Variants in LRRC47 observed in about 807,000 individuals in gnomAD.
LRRC47 encodes leucine rich repeat containing 47, also known as leucine-rich repeat-containing protein 47.
In LRRC47, 31 loss-of-function variants were observed where a neutral mutation model predicts 40.9. The ratio of observed to expected loss-of-function variants is 0.76; its 90% confidence interval spans 0.57 to 1.02. LRRC47 has a LOEUF of 1.02. Ranked by LOEUF, LRRC47 falls within the 50% of genes least tolerant of loss-of-function variation. LRRC47 has a pLI of 0.00. For synonymous variants in LRRC47, 427 were observed against 371.9 expected, an observed-to-expected ratio of 1.15 and a Z score of -1.70; for missense variants, 726 against 796.1, an observed-to-expected ratio of 0.91 and a Z score of 1.06.
intron 1 of LRRC47, among the ~76,000 whole-genome samples, chr1:3,790,142 G>A (rs537263894): frequency 7.2e-5 from 11 of 152,372 alleles, no homozygotes; most frequent in East Asian, 1.9e-4. Flanking sequence ...CTGGCATACC[G>A]GCTGCCTTCC....
chr1:3,793,992 G>A (rs913327792), intron 1 of LRRC47, among the ~76,000 whole-genome samples: 2 of 152,112 alleles, frequency 1.3e-5, no homozygotes, highest in East Asian at 3.9e-4. Flanking sequence ...TCAGGAGATC[G>A]AGACCATCCT....
At chr1:3,787,416 C>A in intron 1 of LRRC47, 106 bp from the exon 2 acceptor site, 3 of 1,130,164 alleles carry the variant, frequency 2.7e-6, no homozygotes, top group Non-Finnish European at 3.7e-6. Context: ...AGAGCCACCA[C>A]TGGCCTGTCT....
chr1:3,790,054 G>A (rs1040622341), intron 1 of LRRC47, among the ~76,000 whole-genome samples: 17 of 152,208 alleles, frequency 1.1e-4, no homozygotes, highest in Non-Finnish European at 1.9e-4. Flanking sequence ...CTGTCACCCG[G>A]AGCTGACACT....
At position 3,779,729 on chromosome 1, in the gene LRRC47, C is replaced by T. The variant is rs377176465; in HGVS notation, c.*1359G>A. The stretch of plus-strand genomic sequence containing the variant: ...TGCTTCCCAAGCAGAGGCGTCTGGT[C>T]CACTCCTGGGGCTCCACCTGCCTGT... On this transcript the variant is annotated 3_prime_UTR_variant, in exon 7 of 7. Coordinates refer to ENST00000378251, the MANE Select transcript of LRRC47 (RefSeq NM_020710.3). 1 of 152,300 alleles carries T rather than the reference C, an allele frequency of 6.6e-6. No individual in the cohort carries two copies. Among genetic ancestry groups the T allele is most frequent in the African/African-American group, 2.4e-5 (1 of 41,552 alleles). The allele number at this position is 152,300 out of a possible 1,614,324, so 9.4% of individuals were successfully genotyped here.
Position 3,786,902 on chromosome 1 carries a change from G to A in LRRC47, c.1024C>T (p.Arg342Ter), listed in dbSNP as rs987258660. The A allele has an allele frequency of 5.6e-6, 9 of 1,605,752 alleles. No individual in the cohort carries two copies. Among genetic ancestry groups the A allele is most frequent in the Non-Finnish European group, 7.6e-6 (9 of 1,176,582 alleles). The stretch of plus-strand genomic sequence containing the variant: ...TTCCCTGGCTGCAGGTCCATGCCTC[G>A]CACCACGGCCCCCACAATGTAGGGC... The part of the protein sequence containing the change: ...VRPYIVGAVV[R>*]GMDLQPGNAL... Residue 342 changes from arginine to a stop codon, truncating the protein, a stop_gained, in exon 2 of 7, where the codon CGA becomes TGA. Coordinates refer to ENST00000378251, the MANE Select transcript of LRRC47 (RefSeq NM_020710.3). LOFTEE classifies it high-confidence loss of function.
chr1:3,787,344 G>C (rs778716158), intron 1 of LRRC47, 34 bp from the exon 2 acceptor site: 1 of 1,570,034 alleles, frequency 6.4e-7, no homozygotes, highest in Admixed American at 1.7e-5. Flanking sequence ...TCAGACGCCC[G>C]GACTCTGGGA....
intron 6 of LRRC47, 45 bp from the exon 7 acceptor site, chr1:3,781,381 C>G (rs762527792): frequency 2.5e-6 from 4 of 1,596,044 alleles, no homozygotes; most frequent in Non-Finnish European, 3.4e-6. Flanking sequence ...GAGAGGTGAC[C>G]CAGGGAAGAC....
At position 3,779,980 on chromosome 1, in the gene LRRC47, G is replaced by C. The variant is rs1643502801; in HGVS notation, c.*1108C>G. On this transcript the variant is annotated 3_prime_UTR_variant, in exon 7 of 7. Coordinates refer to ENST00000378251, the MANE Select transcript of LRRC47 (RefSeq NM_020710.3). ...TTAAAACTTTTCCCCCCAAGATTAT[G>C]ATCACTGCCAGCTGGAGAACCCAAC... is the stretch of plus-strand genomic sequence containing the variant. 6.6e-6 allele frequency: 1 copy of C among 152,150 alleles called. No individual in the cohort carries two copies. The highest frequency in any genetic ancestry group is 1.5e-5 in the Non-Finnish European group (1 of 68,042). 9.4% of individuals were successfully genotyped at this position (152,150 alleles called of 1,614,324 possible). A position where few individuals can be genotyped will look rare whatever the true frequency, so the allele number is the denominator to read the frequency against.
Position 3,781,356 on chromosome 1 carries a change from T to C in LRRC47, c.1504-20A>G, listed in dbSNP as rs747174003. 14 of 1,608,650 alleles carry C rather than the reference T, an allele frequency of 8.7e-6. No individual in the cohort carries two copies. The Admixed American group carries it at 2.3e-4, about 27-fold the overall frequency. ...CATTTTCTGCAAATAAAAAATACCT[T>C]TTTAACCTGGAGATGAGAGGTGACC... On this transcript the variant is annotated intron_variant, in intron 6 of 6. Transcript: ENST00000378251.
intron 1 of LRRC47, among the ~76,000 whole-genome samples, chr1:3,792,122 A>G (rs766452604): frequency 5.3e-5 from 8 of 152,218 alleles, no homozygotes; most frequent in Middle Eastern, 3.2e-3. Flanking sequence ...ACCAGGAAGG[A>G]CATCAAATGC....
rs181792308 is a variant in LRRC47, at chr1:3,794,512, A to G, written c.615+1350T>C. Among the ~76,000 whole-genome samples the G allele has an allele frequency of 3.9e-3, 594 of 151,870 alleles. 3 individuals are homozygous for G. Among genetic ancestry groups the G allele is most frequent in the Non-Finnish European group, 4.3e-3 (294 of 67,950 alleles). On this transcript the variant is annotated intron_variant, in intron 1 of 6. Coordinates refer to ENST00000378251, the MANE Select transcript of LRRC47 (RefSeq NM_020710.3). ...CAGGCACGCGCCACCAGGCCCAGCT[A>G]ATTTTTGTATTTTTGTAGAGATGGG...
At position 3,781,002 on chromosome 1, in the gene LRRC47, G is replaced by C. The variant is rs186337329; in HGVS notation, c.*86C>G. On this transcript the variant is annotated 3_prime_UTR_variant, in exon 7 of 7. Coordinates refer to ENST00000378251, the MANE Select transcript of LRRC47 (RefSeq NM_020710.3). The stretch of plus-strand genomic sequence containing the variant: ...AAAAAAAAACCAACAAAAAAACTGG[G>C]GTGAAAATCTAACGGATAATTCAGC... 9.2e-4 allele frequency: 1,420 copies of C among 1,536,526 alleles called. 8 individuals carry two copies. In the African/African-American group the frequency reaches 0.018, roughly 19 times the overall value.
intron 1 of LRRC47, among the ~76,000 whole-genome samples, chr1:3,795,053 C>CAAAA (rs35186516): frequency 6.3e-4 from 39 of 61,514 alleles, no homozygotes; most frequent in Non-Finnish European, 7.1e-4. Context: ...GACTACATCT[C>CAAAA]AAAAAAAAAA....
At chr1:3,783,083 C>A (rs1248682803) in intron 4 of LRRC47, 1 of 267,438 alleles carries the variant, frequency 3.7e-6, no homozygotes, top group African/African-American at 2.2e-5. Flanking sequence ...CTCACTCCAG[C>A]CTGGGCAACA....
At chr1:3,793,855 A>C (rs956168771) in intron 1 of LRRC47, among the ~76,000 whole-genome samples, 9 of 151,818 alleles carry the variant, frequency 5.9e-5, no homozygotes, top group African/African-American at 1.7e-4. Context: ...CTTTCCCCAA[A>C]CTATCCTTGA....
chr1:3,790,003 TA>T (rs1047228897), intron 1 of LRRC47, among the ~76,000 whole-genome samples: 10 of 152,324 alleles, frequency 6.6e-5, no homozygotes, highest in African/African-American at 2.4e-4. Flanking sequence ...AGGGGGTGGC[TA>T]GGGGTCCTCC....
At position 3,785,338 on chromosome 1, in the gene LRRC47, CTTT is replaced by C. The variant is rs1162391796; in HGVS notation, c.1078-138_1078-136del. ...AGGTCTTCACAACCACGCCACGCCC[CTTT>C]CCGAGACAGGGCTCCCCTCCAACTC... On this transcript the variant is annotated intron_variant, in intron 2 of 6. Coordinates refer to ENST00000378251, the MANE Select transcript of LRRC47 (RefSeq NM_020710.3). The C allele has an allele frequency of 2.5e-5, 12 of 477,352 alleles. No homozygotes were observed. In the Admixed American group the frequency reaches 3.6e-4, roughly 14 times the overall value. The allele number at this position is 477,352 out of a possible 1,614,324, so 29.6% of individuals were successfully genotyped here. A position where few individuals can be genotyped will look rare whatever the true frequency, so the allele number is the denominator to read the frequency against.
chr1:3,795,653 G>A (rs1339980323), intron 1 of LRRC47, among the ~76,000 whole-genome samples: 1 of 152,240 alleles, frequency 6.6e-6, no homozygotes, highest in African/African-American at 2.4e-5. Flanking sequence ...CTAGTATGTT[G>A]GTGTGGCCAG....
Position 3,792,672 on chromosome 1 carries a change from G to A in LRRC47, c.615+3190C>T, listed in dbSNP as rs1447676774. ...AACGGGGTTTCACCATGTTGGCCAG[G>A]ATGGTCTCGATCTCTTGACCTCGTG... On this transcript the variant is annotated intron_variant, in intron 1 of 6. Transcript: ENST00000378251. Among the ~76,000 whole-genome samples the A allele has an allele frequency of 3.3e-5, 5 of 152,260 alleles. No individual in the cohort carries two copies. The South Asian group carries it at 8.3e-4, about 25-fold the overall frequency.
Sources: allele counts gnomAD v4.1 joint callset (sites outside exome capture counted in the v4.1 genomes callset), GRCh38; gene constraint gnomAD v4.1.1; transcripts MANE v1.5; gene names NCBI Gene and HGNC (gene_info 2026-07-23, HGNC 2026-07-21).